Variants in ARHGAP26 observed in about 807,000 individuals in gnomAD.
The protein encoded by ARHGAP26 is Rho GTPase activating protein 26.
In ARHGAP26, 38 loss-of-function variants were observed where a neutral mutation model predicts 104.8. That is an observed-to-expected ratio of 0.36 (90% CI 0.28 to 0.48). ARHGAP26 has a LOEUF of 0.48. Among genes scored for constraint, ARHGAP26 ranks in the 20% least tolerant of loss-of-function variants. The pLI, the probability that ARHGAP26 is intolerant of heterozygous loss-of-function variation, is 0.99. For missense variants in ARHGAP26, 704 were observed against 947.9 expected, an observed-to-expected ratio of 0.74 and a Z score of 3.38; for synonymous variants, 341 against 340.0, an observed-to-expected ratio of 1.00 and a Z score of -0.03.
intron 4 of ARHGAP26, among the ~76,000 whole-genome samples, chr5:142,880,948 A>T (rs1409980803): frequency 2.0e-5 from 3 of 152,242 alleles, no homozygotes; most frequent in Non-Finnish European, 4.4e-5. Context: ...TTTAGTTTAC[A>T]CATTTATGAG....
intron 1 of ARHGAP26, among the ~76,000 whole-genome samples, chr5:142,853,322 C>T (rs113089872): frequency 0.019 from 2,856 of 152,168 alleles, 96 homozygotes; most frequent in African/African-American, 0.065. Context: ...TCCCAAGTAG[C>T]GGGGACTGCA....
chr5:142,910,929 A>G (rs1214563966), intron 9 of ARHGAP26, among the ~76,000 whole-genome samples: 1 of 152,238 alleles, frequency 6.6e-6, no homozygotes, highest in African/African-American at 2.4e-5. Flanking sequence ...AATAGATAAC[A>G]TAAATATCTT....
rs1017163023 is a variant in ARHGAP26, at chr5:142,939,492, G to A, written c.1107+7367G>A. 2.6e-5 allele frequency among the ~76,000 whole-genome samples: 4 copies of A among 152,110 alleles called. No individual in the cohort carries two copies. In the South Asian group the frequency reaches 6.2e-4, roughly 24 times the overall value. On this transcript the variant is annotated intron_variant, in intron 11 of 22. Transcript: ENST00000645722. ...GTGTCTTCTCTCACCTTTCTCTACC[G>A]TGCCCGAGCTCTAACCCCCTAGTCC...
intron 17 of ARHGAP26, among the ~76,000 whole-genome samples, chr5:143,106,466 C>CTTTTTTTTTTT (rs70991793): frequency 6.5e-5 from 5 of 77,304 alleles, no homozygotes; most frequent in East Asian, 4.7e-4. Context: ...ATGCATTGGG[C>CTTTTTTTTTTT]TTTTTTTTTT....
Position 142,853,191 on chromosome 5 carries a change from T to C in ARHGAP26, c.155-20209T>C, listed in dbSNP as rs147509624. Among the ~76,000 whole-genome samples the C allele has an allele frequency of 8.5e-3, 1,290 of 152,258 alleles. 33 individuals are homozygous for C. Among genetic ancestry groups the C allele is most frequent in the African/African-American group, 0.029 (1,213 of 41,524 alleles). On this transcript the variant is annotated intron_variant, in intron 1 of 22. Coordinates refer to ENST00000645722, the MANE Select transcript of ARHGAP26 (RefSeq NM_001135608.3). ...GCTTAGATTTTATTTTTTAATTTTA[T>C]TATTATTTTTTGAGACAGGGTCTTC...
chr5:143,076,217 C>T (rs1788998628), intron 17 of ARHGAP26, among the ~76,000 whole-genome samples: 1 of 133,710 alleles, frequency 7.5e-6, no homozygotes, highest in African/African-American at 2.8e-5. Flanking sequence ...AGGCTGGTCT[C>T]GAACTCCTGG....
chr5:143,225,673 G>C lies in ARHGAP26; in HGVS notation c.*3227G>C, dbSNP rs968923127. 36 of 223,834 alleles carry C rather than the reference G, an allele frequency of 1.6e-4. No individual in the cohort carries two copies. The highest frequency in any genetic ancestry group is 2.9e-4 in the Admixed American group (5 of 17,416). The allele number at this position is 223,834 out of a possible 1,614,324, so 13.9% of individuals were successfully genotyped here. Reference sequence around the variant, plus strand: ...TTGAGTTGGCTCTGATTTGAAATCGGGAGAAACAGAGCTGCTGCCAATGGG... The same window carrying C: ...TTGAGTTGGCTCTGATTTGAAATCGCGAGAAACAGAGCTGCTGCCAATGGG... On this transcript the variant is annotated 3_prime_UTR_variant, in exon 23 of 23. Transcript: ENST00000645722.
At chr5:142,890,519 T>G (rs1452733642) in intron 5 of ARHGAP26, among the ~76,000 whole-genome samples, 1 of 151,770 alleles carries the variant, frequency 6.6e-6, no homozygotes, top group Non-Finnish European at 1.5e-5. Context: ...GAGAAGTCCT[T>G]GAAGGGGACC....
intron 12 of ARHGAP26, among the ~76,000 whole-genome samples, chr5:143,034,745 C>T (rs533898531): frequency 9.2e-5 from 14 of 151,880 alleles, no homozygotes; most frequent in African/African-American, 2.9e-4. Context: ...GAAGTATATA[C>T]CAAGAAAGCT....
intron 12 of ARHGAP26, among the ~76,000 whole-genome samples, chr5:143,034,763 A>T (rs1045861927): frequency 5.4e-5 from 8 of 147,380 alleles, no homozygotes; most frequent in African/African-American, 2.5e-5. Context: ...GCTGTTATTT[A>T]AAAAAAAAAA....
chr5:142,997,352 A>T (rs1776557475), intron 11 of ARHGAP26, among the ~76,000 whole-genome samples: 1 of 151,696 alleles, frequency 6.6e-6, no homozygotes. Flanking sequence ...CACAGGCCCT[A>T]CTCTACCTTC....
chr5:143,125,900 C>CTGAT (rs1383554806), intron 18 of ARHGAP26, among the ~76,000 whole-genome samples: 4 of 152,156 alleles, frequency 2.6e-5, no homozygotes, highest in Admixed American at 2.0e-4. Flanking sequence ...TAAGAAGCAG[C>CTGAT]TGATTAGGAG....
chr5:143,152,315 C>G (rs1799944390), intron 20 of ARHGAP26, among the ~76,000 whole-genome samples: 1 of 152,132 alleles, frequency 6.6e-6, no homozygotes, highest in African/African-American at 2.4e-5. Flanking sequence ...TAAGGAAACT[C>G]AGAATGTAGA....
chr5:142,820,735 A>G (rs1765996856), intron 1 of ARHGAP26, among the ~76,000 whole-genome samples: 1 of 152,250 alleles, frequency 6.6e-6, no homozygotes, highest in African/African-American at 2.4e-5. Flanking sequence ...TTGCATGTTC[A>G]TAAAGGCCAT....
intron 17 of ARHGAP26, among the ~76,000 whole-genome samples, chr5:143,097,592 G>A (rs533541082): frequency 1.4e-3 from 205 of 151,842 alleles, no homozygotes; most frequent in Admixed American, 0.012. Context: ...AGGTCGAGGC[G>A]GGTGGATCAT....
intron 10 of ARHGAP26, among the ~76,000 whole-genome samples, chr5:142,924,970 T>C (rs982944827): frequency 6.6e-6 from 1 of 152,238 alleles, no homozygotes; most frequent in African/African-American, 2.4e-5. Flanking sequence ...CATGTAATGA[T>C]GACCTAGGGT....
At chr5:143,195,092 A>G (rs1459591417) in intron 20 of ARHGAP26, among the ~76,000 whole-genome samples, 2 of 152,246 alleles carry the variant, frequency 1.3e-5, no homozygotes, top group Non-Finnish European at 2.9e-5. Flanking sequence ...GGAGGGAAAG[A>G]AAGAGACTTG....
chr5:142,842,672 T>C (rs558486081), intron 1 of ARHGAP26, among the ~76,000 whole-genome samples: 19 of 152,352 alleles, frequency 1.2e-4, no homozygotes, highest in Admixed American at 1.2e-3. Flanking sequence ...TTGTCACCTA[T>C]CAGCCCTATG....
intron 18 of ARHGAP26, among the ~76,000 whole-genome samples, chr5:143,131,040 G>A (rs369028969): frequency 1.3e-5 from 2 of 152,182 alleles, no homozygotes; most frequent in South Asian, 2.1e-4. Context: ...ACTGACCCTT[G>A]GGACTATGGC....
Sources: gnomAD v4.1 joint callset for allele counts (sites outside exome capture counted in the v4.1 genomes callset) on GRCh38, gnomAD v4.1.1 for gene constraint, MANE v1.5 for transcripts, NCBI Gene and HGNC (gene_info 2026-07-23, HGNC 2026-07-21) for gene names.